SLIT3: variants seen among roughly 807,000 people sequenced by gnomAD.
SLIT3 encodes the protein slit guidance ligand 3.
In SLIT3, 68 loss-of-function variants were observed where a neutral mutation model predicts 184.0. That is an observed-to-expected ratio of 0.37 (90% CI 0.30 to 0.45). The LOEUF is 0.45. Among genes scored for constraint, SLIT3 ranks in the 20% least tolerant of loss-of-function variants. The probability of loss-of-function intolerance (pLI) is 1.00; values close to 1 mark genes in which losing one functional copy is unlikely to be tolerated. For synonymous variants in SLIT3, 831 were observed against 828.6 expected, an observed-to-expected ratio of 1.00 and a Z score of -0.05; for missense variants, 1,707 against 2,026.0, an observed-to-expected ratio of 0.84 and a Z score of 3.02.
intron 3 of SLIT3, among the ~76,000 whole-genome samples, chr5:169,217,402 G>A (rs547737528): frequency 2.0e-4 from 31 of 152,272 alleles, no homozygotes; most frequent in South Asian, 8.3e-4. Context: ...GCTGAAGTAC[G>A]TGGCAATCCC....
At chr5:169,262,326 T>C (rs1380695451) in intron 1 of SLIT3, among the ~76,000 whole-genome samples, 2 of 152,276 alleles carry the variant, frequency 1.3e-5, no homozygotes, top group Non-Finnish European at 2.9e-5. Context: ...TGAGAGGCAG[T>C]GAAGGCACTG....
chr5:169,286,490 A>G (rs1767153721), intron 1 of SLIT3, among the ~76,000 whole-genome samples: 1 of 152,150 alleles, frequency 6.6e-6, no homozygotes. Context: ...CCCAGCCCCC[A>G]GAAGTGAGGA....
At chr5:169,032,390 C>G (rs896914980) in intron 4 of SLIT3, among the ~76,000 whole-genome samples, 1 of 152,058 alleles carries the variant, frequency 6.6e-6, no homozygotes, top group Non-Finnish European at 1.5e-5. Context: ...AGAAACTTTA[C>G]AATTGATGAA....
At chr5:169,203,067 A>G (rs887354026) in intron 3 of SLIT3, among the ~76,000 whole-genome samples, 1 of 152,190 alleles carries the variant, frequency 6.6e-6, no homozygotes, top group Non-Finnish European at 1.5e-5. Flanking sequence ...ACAGAGGTGG[A>G]AAATCACTGG....
chr5:169,269,582 T>C (rs1007990301), intron 1 of SLIT3, among the ~76,000 whole-genome samples: 2 of 152,224 alleles, frequency 1.3e-5, no homozygotes, highest in African/African-American at 2.4e-5. Context: ...GGCTGAGGAA[T>C]GGGGACCTAC....
intron 4 of SLIT3, among the ~76,000 whole-genome samples, chr5:169,158,678 TA>T (rs1762383869): frequency 1.3e-5 from 2 of 152,284 alleles, no homozygotes; most frequent in South Asian, 4.1e-4. Context: ...TATATTGTAA[TA>T]GGGGAGGGCA....
chr5:169,175,863 G>A (rs1179615953), intron 4 of SLIT3, among the ~76,000 whole-genome samples: 1 of 152,178 alleles, frequency 6.6e-6, no homozygotes, highest in Non-Finnish European at 1.5e-5. Flanking sequence ...CAGGGTGAGA[G>A]CCATGACTAT....
At chr5:169,212,781 T>G (rs57365120) in intron 3 of SLIT3, among the ~76,000 whole-genome samples, 46,505 of 152,056 alleles carry the variant, frequency 0.31, 8,100 homozygotes, top group East Asian at 0.69. Context: ...TAATCCATCT[T>G]AATTTTTGCT....
Position 169,300,611 on chromosome 5 carries a change from G to T in SLIT3, c.99C>A (p.Ala33=). The change falls in exon 1 of 36, where the codon GCC becomes GCA. Residue 33 remains alanine (A), a synonymous_variant. Transcript: ENST00000519560. This position sits in a 1 kb window ranked among gnomAD's most constrained non-coding sequence, Gnocchi z 4.1. ...CGGAGCAGGTACACTTGGTGGGGCA[G>T]GCGACGGCTGGAGGCCCACTCAGGA... ...ASVLSGPPAV[A]CPTKCTCSAA... 1 of 1,505,884 alleles carries T rather than the reference G, an allele frequency of 6.6e-7. No homozygotes were observed. 93.3% of individuals were successfully genotyped at this position (1,505,884 alleles called of 1,614,324 possible). A position where few individuals can be genotyped will look rare whatever the true frequency, so the allele number is the denominator to read the frequency against.
intron 3 of SLIT3, among the ~76,000 whole-genome samples, chr5:169,210,029 C>T (rs1015286418): frequency 6.6e-6 from 1 of 152,172 alleles, no homozygotes; most frequent in Non-Finnish European, 1.5e-5. Context: ...AGACCTCCTC[C>T]TTAAGGAACT....
chr5:168,919,588 A>T (rs1761568893), intron 4 of SLIT3, among the ~76,000 whole-genome samples: 1 of 152,152 alleles, frequency 6.6e-6, no homozygotes, highest in Admixed American at 6.5e-5. Flanking sequence ...GTATAGGAGA[A>T]TATGGGGGTG....
At chr5:168,837,110 A>G (rs1003271589) in intron 6 of SLIT3, among the ~76,000 whole-genome samples, 1 of 152,204 alleles carries the variant, frequency 6.6e-6, no homozygotes, top group African/African-American at 2.4e-5. Context: ...GCATTTATAG[A>G]AAACCCAGTT....
chr5:168,869,521 G>A (rs1181638248), intron 5 of SLIT3, among the ~76,000 whole-genome samples: 1 of 152,144 alleles, frequency 6.6e-6, no homozygotes, highest in Non-Finnish European at 1.5e-5. Context: ...AAGTCTCTGA[G>A]GCTTCATTCC....
At chr5:168,991,245 T>C (rs1470075580) in intron 4 of SLIT3, among the ~76,000 whole-genome samples, 1 of 152,202 alleles carries the variant, frequency 6.6e-6, no homozygotes, top group Non-Finnish European at 1.5e-5. Context: ...TTTTTGTCCT[T>C]CCAAAAACCT....
Position 168,700,650 on chromosome 5 carries a change from G to A in SLIT3, c.2874C>T (p.Thr958=), listed in dbSNP as rs140275746. Residue 958 remains threonine, a synonymous_variant, in exon 27 of 36, where the codon ACC becomes ACT. Coordinates refer to ENST00000519560, the MANE Select transcript of SLIT3 (RefSeq NM_003062.4). ...KGKDCTVPIN[T]CIQNPCQHGG... ...CATGCTGACAGGGGTTCTGGATGCA[G>A]GTGTTGATGGGCACAGTGCAGTCCT... 2,024 of 1,614,160 alleles carry A rather than the reference G, an allele frequency of 1.3e-3. 11 individuals carry two copies. Among genetic ancestry groups the A allele is most frequent in the South Asian group, 8.6e-3 (783 of 91,066 alleles).
At chr5:169,214,687 T>A (rs2113519014) in intron 3 of SLIT3, among the ~76,000 whole-genome samples, 1 of 152,294 alleles carries the variant, frequency 6.6e-6, no homozygotes, top group East Asian at 1.9e-4. Flanking sequence ...GAAAGGGATA[T>A]GCTGCTCTGC....
intron 4 of SLIT3, chr5:169,026,390 A>C (rs1440888337): frequency 6.6e-6 from 1 of 152,248 alleles, no homozygotes; most frequent in Non-Finnish European, 1.5e-5. Context: ...AAAGAGGAGC[A>C]TCAATTTGTA....
intron 4 of SLIT3, among the ~76,000 whole-genome samples, chr5:168,903,828 A>C (rs967915815): frequency 2.3e-4 from 35 of 152,092 alleles, no homozygotes; most frequent in African/African-American, 8.2e-4. Flanking sequence ...ATTATTATTA[A>C]ATAACCAAAT....
At position 168,883,205 on chromosome 5, in the gene SLIT3, C is replaced by T. The variant is rs1313260937; in HGVS notation, c.485+60G>A. ...CCTCTTGTCCCATCCCTCACCCTCA[C>T]TCTGGTCAGAGAGCCCAAGTTAGCC... On this transcript the variant is annotated intron_variant, in intron 5 of 35. Coordinates refer to ENST00000519560, the MANE Select transcript of SLIT3 (RefSeq NM_003062.4). The T allele has an allele frequency of 2.9e-6, 4 of 1,390,330 alleles. No individual in the cohort carries two copies. The Admixed American group carries it at 6.7e-5, about 23-fold the overall frequency. The allele number at this position is 1,390,330 out of a possible 1,614,324, so 86.1% of individuals were successfully genotyped here.
Sources: gnomAD v4.1 joint callset for allele counts (sites outside exome capture counted in the v4.1 genomes callset) on GRCh38, gnomAD v4.1.1 for gene constraint, Gnocchi (gnomAD v3.1) non-coding constraint, MANE v1.5 for transcripts, NCBI Gene and HGNC (gene_info 2026-07-23, HGNC 2026-07-21) for gene names.